FILIP1: variants seen among roughly 807,000 people sequenced by gnomAD.
The protein encoded by FILIP1 is filamin-A-interacting protein 1.
A neutral mutation model predicts 102.1 loss-of-function variants in FILIP1; 61 were observed. The ratio of observed to expected loss-of-function variants is 0.60; its 90% CI spans 0.49 to 0.74. The LOEUF is 0.74. FILIP1 is among the 30% of genes least tolerant of loss of function. The pLI is 0.00. For synonymous variants in FILIP1, 491 were observed against 526.9 expected (o/e 0.93, Z 0.93); for missense variants, 1,314 against 1,441.2 (o/e 0.91, Z 1.43).
intron 5 of FILIP1, among the ~76,000 whole-genome samples, chr6:75,310,153 C>T (rs559250587): frequency 2.0e-4 from 31 of 152,378 alleles, no homozygotes; most frequent in Admixed American, 4.6e-4. Context: ...TCCCCAAGCA[C>T]GCCAGGCTCC....
chr6:75,443,486 A>T (rs960356999), intron 1 of FILIP1, among the ~76,000 whole-genome samples: 4 of 152,216 alleles, frequency 2.6e-5, no homozygotes, highest in African/African-American at 9.6e-5. Context: ...ACTTGTAGTG[A>T]GTCACTGGGT....
chr6:75,449,420 C>A (rs1290739691), intron 1 of FILIP1, among the ~76,000 whole-genome samples: 1 of 152,030 alleles, frequency 6.6e-6, no homozygotes, highest in Non-Finnish European at 1.5e-5. Context: ...TCAGAATCAC[C>A]GCTAAAGAAC....
chr6:75,433,192 C>T lies in FILIP1; in HGVS notation c.-6-18214G>A, dbSNP rs1354149311. ...ATTTATAATCCTTTGGGTATATACC[C>T]AGTAATGGTATGGCTGGGTCAAATG... On this transcript the variant is annotated intron_variant, in intron 1 of 5. Transcript: ENST00000237172. 5.3e-5 allele frequency among the ~76,000 whole-genome samples: 8 copies of T among 152,142 alleles called. No homozygotes were observed. In the East Asian group the frequency reaches 1.5e-3, roughly 29 times the overall value.
intron 2 of FILIP1, among the ~76,000 whole-genome samples, chr6:75,403,743 G>C (rs1186475381): frequency 1.3e-5 from 2 of 152,152 alleles, no homozygotes; most frequent in Non-Finnish European, 2.9e-5. Context: ...ATAGCTAAGA[G>C]GGAGATTTTT....
At chr6:75,411,393 T>C (rs535170320) in intron 2 of FILIP1, among the ~76,000 whole-genome samples, 135 of 152,360 alleles carry the variant, frequency 8.9e-4, no homozygotes, top group Non-Finnish European at 1.7e-3. Context: ...TGATAGTTTC[T>C]TTTGCTGTGC....
At chr6:75,372,692 A>AGAAAGG (rs1775588143) in intron 2 of FILIP1, among the ~76,000 whole-genome samples, 1 of 45,252 alleles carries the variant, frequency 2.2e-5, no homozygotes, top group Admixed American at 2.0e-4. Flanking sequence ...AAAGAGAAAG[A>AGAAAGG]AAGAGAAAGA....
chr6:75,300,034 T>C (rs1407429885), intron 6 of FILIP1, among the ~76,000 whole-genome samples: 1 of 152,164 alleles, frequency 6.6e-6, no homozygotes, highest in Admixed American at 6.5e-5. Context: ...GTGAGAAAGA[T>C]GTACTCCCTA....
chr6:75,453,178 C>CCTTTG (rs1307610424), intron 1 of FILIP1, among the ~76,000 whole-genome samples: 4 of 152,282 alleles, frequency 2.6e-5, no homozygotes, highest in Admixed American at 1.3e-4. Context: ...GTCCTTCTCC[C>CCTTTG]CTTTGCTTTG....
chr6:75,362,222 T>A (rs1775193757), intron 3 of FILIP1, among the ~76,000 whole-genome samples: 1 of 152,228 alleles, frequency 6.6e-6, no homozygotes, highest in Non-Finnish European at 1.5e-5. Flanking sequence ...CTAGTAGAAT[T>A]CATTTCATCT....
intron 1 of FILIP1, among the ~76,000 whole-genome samples, chr6:75,457,611 A>ACTCTCTCTCT (rs1778881796): frequency 2.1e-5 from 2 of 96,094 alleles, no homozygotes; most frequent in Non-Finnish European, 4.0e-5. Context: ...TTTCAAACAA[A>ACTCTCTCTCT]GTCTCTCTCT....
At chr6:75,407,784 A>G (rs1458274116) in intron 2 of FILIP1, among the ~76,000 whole-genome samples, 1 of 152,204 alleles carries the variant, frequency 6.6e-6, no homozygotes, top group Non-Finnish European at 1.5e-5. Context: ...CCAAATTTAG[A>G]TCGTTTTTTG....
At chr6:75,377,471 A>T (rs180944854) in intron 2 of FILIP1, among the ~76,000 whole-genome samples, 48 of 152,310 alleles carry the variant, frequency 3.2e-4, no homozygotes, top group African/African-American at 1.1e-3. Context: ...TGTTTAAGAG[A>T]TACGTGATGC....
chr6:75,378,316 A>C (rs1209791652), intron 2 of FILIP1, among the ~76,000 whole-genome samples: 3 of 152,218 alleles, frequency 2.0e-5, no homozygotes, highest in Non-Finnish European at 4.4e-5. Flanking sequence ...CAGCAACAAA[A>C]GCTACAAAAA....
intron 2 of FILIP1, among the ~76,000 whole-genome samples, chr6:75,403,477 T>G (rs1001298657): frequency 1.5e-5 from 2 of 136,278 alleles, no homozygotes; most frequent in African/African-American, 5.7e-5. Flanking sequence ...CATGTCACTG[T>G]GCTCCAGCCT....
intron 1 of FILIP1, among the ~76,000 whole-genome samples, chr6:75,435,035 C>G (rs1266129986): frequency 2.0e-5 from 3 of 152,170 alleles, no homozygotes; most frequent in Non-Finnish European, 2.9e-5. Flanking sequence ...AGGGATGAAG[C>G]TCACTTGATC....
intron 2 of FILIP1, among the ~76,000 whole-genome samples, chr6:75,368,179 T>C (rs1775402057): frequency 6.6e-6 from 1 of 152,102 alleles, no homozygotes; most frequent in Admixed American, 6.6e-5. Flanking sequence ...GTTCCATAAA[T>C]ACCCACAACT....
At chr6:75,365,969 G>T (rs762011253) in intron 2 of FILIP1, 1 of 152,104 alleles carries the variant, frequency 6.6e-6, no homozygotes, top group Non-Finnish European at 1.5e-5. Context: ...ACAAAGAAGG[G>T]TATAAAACAA....
At chr6:75,333,009 T>C (rs917064008) in intron 4 of FILIP1, among the ~76,000 whole-genome samples, 1 of 152,230 alleles carries the variant, frequency 6.6e-6, no homozygotes, top group African/African-American at 2.4e-5. Context: ...ATTAAGATAC[T>C]ACTAATCTAA....
intron 1 of FILIP1, among the ~76,000 whole-genome samples, chr6:75,424,427 C>T (rs938423924): frequency 6.6e-6 from 1 of 152,186 alleles, no homozygotes; most frequent in East Asian, 1.9e-4. Context: ...CACTGCCTTT[C>T]TACTCCTCAA....
Sources: allele counts gnomAD v4.1 joint callset (sites outside exome capture counted in the v4.1 genomes callset), GRCh38; gene constraint gnomAD v4.1.1; transcripts MANE v1.5; gene names NCBI Gene and HGNC (gene_info 2026-07-23, HGNC 2026-07-21).